The following TNXB variants were observed in gnomAD, a reference collection of about 807,000 sequenced individuals.
TNXB encodes tenascin-X.
Under a neutral mutation model 340.5 loss-of-function variants are expected in TNXB, and 183 were observed. That is an observed-to-expected ratio of 0.54 (90% confidence interval 0.48 to 0.61). The LOEUF (loss-of-function observed/expected upper bound fraction) is 0.61. TNXB is among the 20% of genes least tolerant of loss of function. The pLI, the probability that TNXB is intolerant of heterozygous loss-of-function variation, is 0.00. For missense variants in TNXB, 4,613 were observed against 5,446.4 expected (o/e 0.85, Z 4.82); for synonymous variants, 2,121 against 2,314.5 (o/e 0.92, Z 2.40).
intron 1 of TNXB, among the ~76,000 whole-genome samples, chr6:32,102,856 G>T (rs1274339003): frequency 6.6e-6 from 1 of 152,116 alleles, no homozygotes; most frequent in Non-Finnish European, 1.5e-5. Context: ...AGAGGCGGAG[G>T]TTGCAGTGAA....
At position 32,074,055 on chromosome 6, in the gene TNXB, C is replaced by T; in HGVS notation, c.4376-103G>A. On this transcript the variant is annotated intron_variant, in intron 11 of 43. Coordinates refer to ENST00000644971, the MANE Select transcript of TNXB (RefSeq NM_001365276.2). The surrounding 1 kb of genome is among the most constrained non-coding windows in gnomAD (Gnocchi z 5.5). Reference sequence around the variant, plus strand: ...TTATTTTTTATTTTTGAGATGGAGTCTCGCTGTCACCCAGAGCAGTGGGCG... The same window carrying T: ...TTATTTTTTATTTTTGAGATGGAGTTTCGCTGTCACCCAGAGCAGTGGGCG... The T allele has an allele frequency of 8.9e-7, 1 of 1,128,520 alleles. No homozygotes were observed. Among genetic ancestry groups the T allele is most frequent in the South Asian group, 1.9e-5 (1 of 53,204 alleles). 69.9% of individuals were successfully genotyped at this position (1,128,520 alleles called of 1,614,324 possible). A position where few individuals can be genotyped will look rare whatever the true frequency, so the allele number is the denominator to read the frequency against.
At chr6:32,095,538 C>T (rs1780281553) in intron 3 of TNXB, 73 bp downstream of exon 3, 2 of 1,542,776 alleles carry the variant, frequency 1.3e-6, no homozygotes, top group Non-Finnish European at 1.8e-6. Context: ...CTTCCTCAGG[C>T]TCAGGTCTTC....
chr6:32,078,883 G>A (rs1478002424), intron 11 of TNXB, 150 bp downstream of exon 11: 2 of 833,614 alleles, frequency 2.4e-6, no homozygotes, highest in African/African-American at 3.5e-5. Context: ...AAAGCTGGTG[G>A]TACGCCAGTC....
chr6:32,049,495 A>G lies in TNXB; in HGVS notation c.9532T>C (p.Ser3178Pro). ...CAGGAGAGGCTCAGCGAGTCAGGGGAGGATCCTGTCACTGTCAACTCCCCC... is the reference window on the plus strand; with the variant it reads ...CAGGAGAGGCTCAGCGAGTCAGGGGGGGATCCTGTCACTGTCAACTCCCCC... Reference protein sequence around the residue: ...LLGELTVTGSSPDSLSLSWTV... With the variant: ...LLGELTVTGSPPDSLSLSWTV... Residue 3178 changes from serine (S) to proline (P), a missense_variant, in exon 28 of 44, where the codon TCC becomes CCC. By Grantham distance (74) the Ser-to-Pro change is moderately conservative. This residue lies in a region of TNXB where 4,327 missense variants were observed against 4,859.4 expected (regional missense o/e 0.89). Transcript: ENST00000644971. This position sits in a 1 kb window ranked among gnomAD's most constrained non-coding sequence, Gnocchi z 4.5. 6.2e-7 allele frequency: 1 copy of G among 1,612,432 alleles called. No individual in the cohort carries two copies. Among genetic ancestry groups the G allele is most frequent in the Non-Finnish European group, 8.5e-7 (1 of 1,179,794 alleles).
rs749402687 is a variant in TNXB, at chr6:32,095,014, G to T, written c.2358+62C>A. On this transcript the variant is annotated intron_variant, in intron 4 of 43. Coordinates refer to ENST00000644971, the MANE Select transcript of TNXB (RefSeq NM_001365276.2). ...GATCACCTGGAACTTCCTCCAGGAGGTGAGCCCTGCCCCCCTGTCCTGCCC... is the reference window on the plus strand; with the variant it reads ...GATCACCTGGAACTTCCTCCAGGAGTTGAGCCCTGCCCCCCTGTCCTGCCC... The T allele has an allele frequency of 1.7e-5, 23 of 1,368,712 alleles. No individual in the cohort carries two copies. In the Admixed American group the frequency reaches 3.8e-4, roughly 22 times the overall value. 84.8% of individuals were successfully genotyped at this position (1,368,712 alleles called of 1,614,324 possible). A position where few individuals can be genotyped will look rare whatever the true frequency, so the allele number is the denominator to read the frequency against.
In TNXB at chr6:32,082,839, C is replaced by T. The variant is rs17207944; in HGVS notation, c.3446-513G>A. The stretch of plus-strand genomic sequence containing the variant: ...GGGAACTTTGACCCATGGATGGACT[C>T]CCTCGCCTGCAGCACTGACCCTTCA... On this transcript the variant is annotated intron_variant, in intron 8 of 43. Coordinates refer to ENST00000644971, the MANE Select transcript of TNXB (RefSeq NM_001365276.2). The surrounding 1 kb of genome is among the most constrained non-coding windows in gnomAD (Gnocchi z 5.0). 1.3e-5 allele frequency among the ~76,000 whole-genome samples: 2 copies of T among 152,276 alleles called. No individual in the cohort carries two copies. The highest frequency in any genetic ancestry group is 2.4e-5 in the African/African-American group (1 of 41,554).
Position 32,081,056 on chromosome 6 carries a change from C to G in TNXB, c.4042+312G>C, listed in dbSNP as rs1051361067. Among the ~76,000 whole-genome samples, 3 of 151,982 alleles carry G rather than the reference C, an allele frequency of 2.0e-5. No homozygotes were observed. On this transcript the variant is annotated intron_variant, in intron 10 of 43. Transcript: ENST00000644971. This position sits in a 1 kb window ranked among gnomAD's most constrained non-coding sequence, Gnocchi z 5.1. ...AACTGAGGGGTGAGAACACAGTGAC[C>G]GAATGGTGAGGACATCTGTGGGGAG...
In TNXB at chr6:32,052,899, T is replaced by A. The variant is rs1267272025; in HGVS notation, c.8886A>T (p.Gly2962=). The A allele has an allele frequency of 5.0e-6, 8 of 1,612,670 alleles. No individual in the cohort carries two copies. The highest frequency in any genetic ancestry group is 6.8e-6 in the Non-Finnish European group (8 of 1,179,834). ...EPLLGELTVT[G]SSPDSLSLSW... ...AGAGGCTCAGCGAGTCAGGGGAGGA[T>A]CCTGTCACTGTCAGCTCCCCCAGGA... Residue 2962 remains glycine (G), a synonymous_variant, in exon 26 of 44, where the codon GGA becomes GGT. Transcript: ENST00000644971. This position sits in a 1 kb window ranked among gnomAD's most constrained non-coding sequence, Gnocchi z 4.7.
chr6:32,103,997 C>A (rs1780854771), intron 1 of TNXB, among the ~76,000 whole-genome samples: 1 of 152,106 alleles, frequency 6.6e-6, no homozygotes, highest in Non-Finnish European at 1.5e-5. Flanking sequence ...TCCCAAAGTG[C>A]TGGGGTTACA....
chr6:32,066,582 T>C (rs1348015605), intron 18 of TNXB, among the ~76,000 whole-genome samples: 1 of 152,192 alleles, frequency 6.6e-6, no homozygotes, highest in Non-Finnish European at 1.5e-5. Context: ...GAGAAAAAAG[T>C]AGATTAGTTA....
Position 32,097,060 on chromosome 6 carries a change from C to G in TNXB, c.793G>C (p.Val265Leu). The change falls in exon 3 of 44, where the codon GTG becomes CTG. Residue 265 changes from valine (V) to leucine (L), a missense_variant. Around this residue, in one of 7 missense-constraint regions of TNXB, gnomAD observed 4,327 missense variants for 4,859.4 expected, o/e 0.89. Coordinates refer to ENST00000644971, the MANE Select transcript of TNXB (RefSeq NM_001365276.2). The surrounding 1 kb of genome is among the most constrained non-coding windows in gnomAD (Gnocchi z 5.9). ...TCACCAGTGTAGCCTGGGTCACACA[C>G]GCAGCGCCCACCCTCACAGCGTCCC... Reference protein sequence around the residue: ...QRGRCEGGRCVCDPGYTGDDC... With the variant: ...QRGRCEGGRCLCDPGYTGDDC... The G allele has an allele frequency of 6.2e-7, 1 of 1,613,740 alleles. No homozygotes were observed.
intron 6 of TNXB, among the ~76,000 whole-genome samples, chr6:32,086,395 C>G (rs1779776898): frequency 6.6e-6 from 1 of 152,302 alleles, no homozygotes; most frequent in Admixed American, 6.5e-5. Flanking sequence ...TGACCTCCAG[C>G]CCCCGGAGAC....
At position 32,084,617 on chromosome 6, in the gene TNXB, G is replaced by A. The variant is rs751663471; in HGVS notation, c.3241C>T (p.Arg1081Cys). Reference sequence around the variant, plus strand: ...AACTCGCCCTCGGGGACCGTCCAGCGCAGGAGCAAGGAGTCGGAGGTCCTG... The same window carrying A: ...AACTCGCCCTCGGGGACCGTCCAGCACAGGAGCAAGGAGTCGGAGGTCCTG... ...TDRTSDSLLL[R>C]WTVPEGEFDS... The change falls in exon 8 of 44, where the codon CGC becomes TGC. Residue 1081 changes from arginine to cysteine, a missense_variant. Physicochemically the swap from Arg to Cys is radical, Grantham distance 180 (BLOSUM62 -3). This residue lies in a region of TNXB where 4,327 missense variants were observed against 4,859.4 expected (regional missense o/e 0.89). Coordinates refer to ENST00000644971, the MANE Select transcript of TNXB (RefSeq NM_001365276.2). This position sits in a 1 kb window ranked among gnomAD's most constrained non-coding sequence, Gnocchi z 5.5. The A allele has an allele frequency of 1.8e-5, 29 of 1,604,946 alleles. No homozygotes were observed. The highest frequency in any genetic ancestry group is 2.2e-5 in the South Asian group (2 of 89,534).
intron 1 of TNXB, among the ~76,000 whole-genome samples, chr6:32,098,482 TTTTG>T (rs546215342): frequency 9.6e-4 from 145 of 151,226 alleles, no homozygotes; most frequent in Middle Eastern, 3.5e-3. Flanking sequence ...TTTTGTTTTG[TTTTG>T]TTTGTTTGTT....
Position 32,079,174 on chromosome 6 carries a change from G to C in TNXB, c.4234C>G (p.Arg1412Gly). Residue 1412 changes from arginine (R) to glycine (G), a missense_variant, in exon 11 of 44, where the codon CGG becomes GGG. Arg to Gly is a moderately radical substitution (Grantham distance 125). Coordinates refer to ENST00000644971, the MANE Select transcript of TNXB (RefSeq NM_001365276.2). The surrounding 1 kb of genome is among the most constrained non-coding windows in gnomAD (Gnocchi z 7.1). ...CCCCCAACACGCACCGCCCGGGGCC[G>C]CCCATCCCTGTCCTTGTACTGCACG... ...FTVQYKDRDG[R>G]PRAVRVGGKE... 6.2e-7 allele frequency: 1 copy of C among 1,613,788 alleles called. No individual in the cohort carries two copies.
Position 32,082,724 on chromosome 6 carries a change from T to A in TNXB, c.3446-398A>T, listed in dbSNP as rs1430336211. ...CTTCCAAGCCTAACTACTAGCTGGC[T>A]TCTTCTCCAAGAGAGGAGAGCACAA... On this transcript the variant is annotated intron_variant, in intron 8 of 43. Transcript: ENST00000644971. The surrounding 1 kb of genome is among the most constrained non-coding windows in gnomAD (Gnocchi z 5.0). 6.6e-6 allele frequency among the ~76,000 whole-genome samples: 1 copy of A among 152,144 alleles called. No individual in the cohort carries two copies. The highest frequency in any genetic ancestry group is 1.5e-5 in the Non-Finnish European group (1 of 68,024).
rs757388892 is a variant in TNXB, at chr6:32,096,586, G to A, written c.1267C>T (p.Pro423Ser). The change falls in exon 3 of 44, where the codon CCG (proline) becomes TCG (serine). Residue 423 changes from proline to serine, a missense_variant. By Grantham distance (74) the Pro-to-Ser change is moderately conservative. Coordinates refer to ENST00000644971, the MANE Select transcript of TNXB (RefSeq NM_001365276.2). Reference sequence around the variant, plus strand: ...CCGCAATCGGTTCCAGTGTACCCCGGCCAGCACACGCAGCGGCCGTCCTCG... The same window carrying A: ...CCGCAATCGGTTCCAGTGTACCCCGACCAGCACACGCAGCGGCCGTCCTCG... ...RCEDGRCVCW[P>S]GYTGTDCGSR... 1 of 1,591,170 alleles carries A rather than the reference G, an allele frequency of 6.3e-7. No homozygotes were observed. The highest frequency in any genetic ancestry group is 1.1e-5 in the South Asian group (1 of 88,524).
intron 18 of TNXB, 101 bp from the exon 19 acceptor site, chr6:32,065,218 T>C: frequency 3.8e-6 from 4 of 1,055,054 alleles, no homozygotes; most frequent in Non-Finnish European, 5.3e-6. Flanking sequence ...AGTCTGGCCC[T>C]AACTTAAGAT....
At position 32,050,201 on chromosome 6, in the gene TNXB, G is replaced by A. The variant is rs761694349; in HGVS notation, c.9236C>T (p.Ser3079Phe). Reference sequence around the variant, plus strand: ...AAACTGGCCCTCGGGAACCATCCAGGACAGGCTGAGGGAGTCGGGGGTGGC... The same window carrying A: ...AAACTGGCCCTCGGGAACCATCCAGAACAGGCTGAGGGAGTCGGGGGTGGC... ...TDATPDSLSL[S>F]WMVPEGQFDH... The change falls in exon 27 of 44, where the codon TCC becomes TTC. Residue 3079 changes from serine to phenylalanine, a missense_variant. Ser to Phe is a radical substitution (Grantham distance 155). Coordinates refer to ENST00000644971, the MANE Select transcript of TNXB (RefSeq NM_001365276.2). 4 of 1,613,810 alleles carry A rather than the reference G, an allele frequency of 2.5e-6. No homozygotes were observed. Among genetic ancestry groups the A allele is most frequent in the Middle Eastern group, 3.3e-4 (2 of 6,060 alleles).
Sources: gnomAD v4.1 joint callset for allele counts (sites outside exome capture counted in the v4.1 genomes callset) on GRCh38, gnomAD v4.1.1 for gene constraint, gnomAD v4.1.1 regional missense constraint, Gnocchi (gnomAD v3.1) non-coding constraint, MANE v1.5 for transcripts, NCBI Gene and HGNC (gene_info 2026-07-23, HGNC 2026-07-21) for gene names.